The following CEP112 variants were observed in gnomAD, a reference collection of about 807,000 sequenced individuals.
CEP112 encodes the protein centrosomal protein 112.
A neutral mutation model predicts 153.0 loss-of-function variants in CEP112; 127 were observed. The ratio of observed to expected loss-of-function variants is 0.83; its 90% confidence interval spans 0.72 to 0.96. The LOEUF (loss-of-function observed/expected upper bound fraction) is 0.96, where lower values mean the gene tolerates loss of function less well. CEP112 is among the 40% of genes least tolerant of loss of function. The pLI is 0.00. For missense variants in CEP112, 1,089 were observed against 1,101.2 expected, an observed-to-expected ratio of 0.99 and a Z score of 0.16; for synonymous variants, 358 against 374.4, an observed-to-expected ratio of 0.96 and a Z score of 0.51.
At position 66,065,823 on chromosome 17, in the gene CEP112, G is replaced by A. The variant is rs141012454; in HGVS notation, c.955+955C>T. Among the ~76,000 whole-genome samples, 968 of 151,952 alleles carry A rather than the reference G, an allele frequency of 6.4e-3. 9 individuals are homozygous for A. The highest frequency in any genetic ancestry group is 0.022 in the African/African-American group (929 of 41,448). On this transcript the variant is annotated intron_variant, in intron 10 of 26. Transcript: ENST00000535342. ...TTTTTGTATTTTTAGTAGAGACAGGGTTTCACTGTGTTAGCCAGGACGGTC... is the reference window on the plus strand; with the variant it reads ...TTTTTGTATTTTTAGTAGAGACAGGATTTCACTGTGTTAGCCAGGACGGTC...
chr17:65,780,056 C>T (rs1215474684), intron 21 of CEP112, among the ~76,000 whole-genome samples: 1 of 152,096 alleles, frequency 6.6e-6, no homozygotes, highest in African/African-American at 2.4e-5. Context: ...GATACATTCC[C>T]TGTCCACACA....
At chr17:65,727,070 C>T (rs944379187) in intron 23 of CEP112, among the ~76,000 whole-genome samples, 3 of 152,192 alleles carry the variant, frequency 2.0e-5, no homozygotes, top group Non-Finnish European at 4.4e-5. Flanking sequence ...GACCATACTG[C>T]CCTCCACAGA....
chr17:66,131,348 T>G (rs1278359941), intron 5 of CEP112, among the ~76,000 whole-genome samples: 2 of 152,222 alleles, frequency 1.3e-5, no homozygotes, highest in African/African-American at 4.8e-5. Context: ...TGATTGTAGT[T>G]TATCACTATT....
chr17:65,696,042 C>T (rs2144509507), intron 23 of CEP112, among the ~76,000 whole-genome samples: 1 of 152,320 alleles, frequency 6.6e-6, no homozygotes, highest in South Asian at 2.1e-4. Context: ...GTATAAAAGT[C>T]ACCCTTCTGA....
At chr17:65,932,980 C>A in intron 18 of CEP112, among the ~76,000 whole-genome samples, 1 of 151,980 alleles carries the variant, frequency 6.6e-6, no homozygotes, top group East Asian at 1.9e-4. Context: ...ATTAGTTTGA[C>A]AAAGGAACGG....
chr17:66,156,508 G>C (rs2071446859), intron 4 of CEP112, among the ~76,000 whole-genome samples: 1 of 152,096 alleles, frequency 6.6e-6, no homozygotes, highest in Non-Finnish European at 1.5e-5. Flanking sequence ...GCCAGCAAGG[G>C]AACAAAGCTG....
intron 24 of CEP112, among the ~76,000 whole-genome samples, chr17:65,652,753 C>G (rs2045850706): frequency 6.6e-6 from 1 of 152,110 alleles, no homozygotes; most frequent in African/African-American, 2.4e-5. Flanking sequence ...TCAAAACAAT[C>G]TATATATATT....
At chr17:66,059,452 C>T (rs1214013651) in intron 11 of CEP112, among the ~76,000 whole-genome samples, 2 of 151,880 alleles carry the variant, frequency 1.3e-5, no homozygotes, top group East Asian at 3.8e-4. Flanking sequence ...AATTCAACAA[C>T]AAAAAACAAA....
chr17:65,898,701 C>A (rs1598929813), intron 20 of CEP112, among the ~76,000 whole-genome samples: 1 of 152,098 alleles, frequency 6.6e-6, no homozygotes, highest in South Asian at 2.1e-4. Context: ...TGGCTGATGA[C>A]CTTCTGCAAG....
intron 21 of CEP112, among the ~76,000 whole-genome samples, chr17:65,806,521 A>T (rs2055609907): frequency 1.3e-5 from 2 of 152,208 alleles, no homozygotes; most frequent in Non-Finnish European, 2.9e-5. Flanking sequence ...TCCCCACCCA[A>T]ATCTCATCAC....
At chr17:65,690,138 A>AC (rs1337122853) in intron 23 of CEP112, among the ~76,000 whole-genome samples, 170 of 126,218 alleles carry the variant, frequency 1.3e-3, no homozygotes, top group African/African-American at 4.9e-3. Flanking sequence ...AAAAAAAAAA[A>AC]CTCCGGTCGG....
At chr17:66,173,259 A>AG (rs2072320247) in intron 4 of CEP112, among the ~76,000 whole-genome samples, 1 of 152,338 alleles carries the variant, frequency 6.6e-6, no homozygotes, top group East Asian at 1.9e-4. Flanking sequence ...GCATATGCTA[A>AG]GGGGGGTAAC....
chr17:65,865,131 T>C (rs2058442099), intron 20 of CEP112, among the ~76,000 whole-genome samples: 2 of 151,934 alleles, frequency 1.3e-5, no homozygotes, highest in Non-Finnish European at 2.9e-5. Context: ...AGCCTCACCT[T>C]CCCAGGCTCA....
At chr17:66,022,141 C>T (rs1024577338) in intron 16 of CEP112, among the ~76,000 whole-genome samples, 3 of 152,136 alleles carry the variant, frequency 2.0e-5, no homozygotes, top group African/African-American at 7.2e-5. Flanking sequence ...AAAGCCACCA[C>T]ACTAAGTCTA....
intron 4 of CEP112, among the ~76,000 whole-genome samples, chr17:66,169,397 C>A (rs952302032): frequency 5.3e-5 from 8 of 150,876 alleles, no homozygotes; most frequent in Non-Finnish European, 1.2e-4. Context: ...GATTCTCCTG[C>A]CTCGGCCTCC....
chr17:65,640,884 T>C (rs2045095650), intron 25 of CEP112, 80 bp downstream of exon 25: 1 of 801,002 alleles, frequency 1.2e-6, no homozygotes, highest in Admixed American at 2.0e-5. Context: ...CTGGCAACAA[T>C]TTGGAATCAG....
chr17:66,130,057 AAT>A (rs1452774271), intron 5 of CEP112, among the ~76,000 whole-genome samples: 2 of 152,022 alleles, frequency 1.3e-5, no homozygotes, highest in African/African-American at 2.4e-5. Context: ...AAAAGAACAA[AAT>A]ACATGTCATT....
At chr17:66,051,624 A>T (rs1239687448) in intron 12 of CEP112, among the ~76,000 whole-genome samples, 1 of 152,160 alleles carries the variant, frequency 6.6e-6, no homozygotes, top group Non-Finnish European at 1.5e-5. Context: ...AATGTGAGGT[A>T]GACCTTAGTG....
chr17:65,664,052 A>G (rs2046550824), intron 24 of CEP112, among the ~76,000 whole-genome samples: 1 of 152,216 alleles, frequency 6.6e-6, no homozygotes, highest in South Asian at 2.1e-4. Context: ...TCTCAAAAAA[A>G]TAAATAAATA....
Sources: gnomAD v4.1 joint callset for allele counts (sites outside exome capture counted in the v4.1 genomes callset) on GRCh38, gnomAD v4.1.1 for gene constraint, MANE v1.5 for transcripts, NCBI Gene and HGNC (gene_info 2026-07-23, HGNC 2026-07-21) for gene names.